The following SLC7A2 variants were observed in gnomAD, a reference collection of about 807,000 sequenced individuals.
The protein encoded by SLC7A2 is solute carrier family 7 member 2.
A neutral mutation model predicts 58.9 loss-of-function variants in SLC7A2; 48 were observed. The ratio of observed to expected loss-of-function variants is 0.82; its 90% CI spans 0.65 to 1.04. The LOEUF (loss-of-function observed/expected upper bound fraction) is 1.04, where lower values mean the gene tolerates loss of function less well. SLC7A2 is among the 50% of genes least tolerant of loss of function. SLC7A2 has a pLI of 0.00. For synonymous variants in SLC7A2, 363 were observed against 314.5 expected, an observed-to-expected ratio of 1.15 and a Z score of -1.63; for missense variants, 1,029 against 818.8, an observed-to-expected ratio of 1.26 and a Z score of -3.13.
intron 2 of SLC7A2, among the ~76,000 whole-genome samples, chr8:17,506,939 T>C (rs1261268028): frequency 7.1e-6 from 1 of 141,684 alleles, no homozygotes; most frequent in Admixed American, 8.0e-5. Flanking sequence ...CACTACTTAT[T>C]TGTGGAATTT....
intron 2 of SLC7A2, chr8:17,538,814 T>G: frequency 1.2e-6 from 2 of 1,613,650 alleles, no homozygotes; most frequent in South Asian, 2.2e-5. Flanking sequence ...ACCACGAAAC[T>G]AGCAACTGGA....
chr8:17,548,704 T>G lies in SLC7A2; in HGVS notation c.559T>G (p.Ser187Ala), dbSNP rs774171827. Residue 187 changes from serine (S) to alanine (A), a missense_variant, in exon 5 of 13, where the codon TCT becomes GCT. Transcript: ENST00000494857. ...AGLLSFGVKE[S>A]AWVNKVFTAV... ...TCTTTTGTCTTTTGGAGTAAAAGAG[T>G]CTGCTTGGGTGAATAAAGTCTTCAC... 6.2e-7 allele frequency: 1 copy of G among 1,609,456 alleles called. No individual in the cohort carries two copies. The highest frequency in any genetic ancestry group is 1.1e-5 in the South Asian group (1 of 89,372).
rs12680645 is a variant in SLC7A2 at position 17,543,397 on chromosome 8, G to C, written c.58G>C (p.Val20Leu). ...FARCLIRRKI[V>L]TLDSLEDTKL... ...CCGATGTCTGATCCGGAGAAAAATCGTGACCCTGGACAGTCTAGAAGACAC... is the reference window on the plus strand; with the variant it reads ...CCGATGTCTGATCCGGAGAAAAATCCTGACCCTGGACAGTCTAGAAGACAC... The change falls in exon 3 of 13, where the codon GTG (valine) becomes CTG (leucine). Residue 20 changes from valine to leucine, a missense_variant. Transcript: ENST00000494857. 6.2e-7 allele frequency: 1 copy of C among 1,613,982 alleles called. No individual in the cohort carries two copies. Among genetic ancestry groups the C allele is most frequent in the African/African-American group, 1.3e-5 (1 of 74,916 alleles).
At chr8:17,495,836 C>T (rs1380443286), upstream of SLC7A2, among the ~76,000 whole-genome samples, 1 of 152,192 alleles carries the variant, frequency 6.6e-6, no homozygotes, top group Non-Finnish European at 1.5e-5. Flanking sequence ...AGGCGTGAGC[C>T]ACCACCCCCA....
Position 17,560,550 on chromosome 8 carries a change from G to A in SLC7A2, c.1504+17G>A, listed in dbSNP as rs373534395. On this transcript the variant is annotated intron_variant, in intron 10 of 12. Transcript: ENST00000494857. ...GATTCCTAGGTAAGTCTTCTTCTCT[G>A]CTTACATTGTACAGACCCAGAAGAT... 4 of 1,596,808 alleles carry A rather than the reference G, an allele frequency of 2.5e-6. No individual in the cohort carries two copies. Among genetic ancestry groups the A allele is most frequent in the Non-Finnish European group, 2.6e-6 (3 of 1,164,614 alleles).
chr8:17,555,125 C>G, intron 8 of SLC7A2: 1 of 1,596,196 alleles, frequency 6.3e-7, no homozygotes, highest in Non-Finnish European at 8.6e-7. Context: ...TAGACTGGAA[C>G]ATTTAATTCG....
rs1803429426 is a variant in SLC7A2 at position 17,569,777 on chromosome 8, A to G, written c.*4631A>G. On this transcript the variant is annotated 3_prime_UTR_variant, in exon 13 of 13. Coordinates refer to ENST00000494857, the MANE Select transcript of SLC7A2 (RefSeq NM_001370338.1). ...GGAGCATTATACTTAACTTTGATTCACCATGGTTGATGCCACTGCCATGAT... is the reference window on the plus strand; with the variant it reads ...GGAGCATTATACTTAACTTTGATTCGCCATGGTTGATGCCACTGCCATGAT... The G allele has an allele frequency of 6.6e-6, 1 of 152,130 alleles. No individual in the cohort carries two copies. Among genetic ancestry groups the G allele is most frequent in the African/African-American group, 2.4e-5 (1 of 41,426 alleles). 9.4% of individuals were successfully genotyped at this position (152,130 alleles called of 1,614,324 possible). A position where few individuals can be genotyped will look rare whatever the true frequency, so the allele number is the denominator to read the frequency against.
chr8:17,501,684 C>T (rs78818629), intron 1 of SLC7A2, among the ~76,000 whole-genome samples: 2 of 151,954 alleles, frequency 1.3e-5, no homozygotes, highest in East Asian at 1.9e-4. Flanking sequence ...TTTAATTTTT[C>T]ACCGTATCCC....
At chr8:17,515,343 T>C (rs1400955332) in intron 2 of SLC7A2, among the ~76,000 whole-genome samples, 2 of 151,734 alleles carry the variant, frequency 1.3e-5, no homozygotes, top group Non-Finnish European at 2.9e-5. Flanking sequence ...GTCTCCAGAC[T>C]GGAGTGCAGT....
intron 2 of SLC7A2, among the ~76,000 whole-genome samples, chr8:17,507,840 G>A (rs973790991): frequency 6.6e-6 from 1 of 152,120 alleles, no homozygotes; most frequent in African/African-American, 2.4e-5. Context: ...AAGTGTTACA[G>A]GAAGAGTGGA....
chr8:17,494,755 G>T (rs1476342685), upstream of SLC7A2, among the ~76,000 whole-genome samples: 1 of 152,186 alleles, frequency 6.6e-6, no homozygotes, highest in African/African-American at 2.4e-5. Flanking sequence ...AGGATTCAGG[G>T]TTAATCAATA....
At chr8:17,506,940 T>G (rs979803004) in intron 2 of SLC7A2, among the ~76,000 whole-genome samples, 5 of 141,494 alleles carry the variant, frequency 3.5e-5, no homozygotes, top group African/African-American at 1.3e-4. Context: ...ACTACTTATT[T>G]GTGGAATTTT....
intron 2 of SLC7A2, among the ~76,000 whole-genome samples, chr8:17,502,678 A>G (rs994557345): frequency 2.6e-5 from 4 of 152,128 alleles, no homozygotes; most frequent in African/African-American, 9.7e-5. Context: ...TGGACAAGAA[A>G]TTGATTCACA....
At chr8:17,556,615 A>C (rs561041838) in intron 8 of SLC7A2, among the ~76,000 whole-genome samples, 1 of 148,076 alleles carries the variant, frequency 6.8e-6, no homozygotes, top group African/African-American at 2.5e-5. Flanking sequence ...GCAATGAAGA[A>C]TTTTTTTTTT....
intron 4 of SLC7A2, among the ~76,000 whole-genome samples, chr8:17,547,796 G>A (rs953871471): frequency 2.8e-5 from 4 of 140,460 alleles, no homozygotes; most frequent in Non-Finnish European, 4.4e-5. Flanking sequence ...GTGTGTGTGT[G>A]TGTGTGTGTG....
In SLC7A2 at chr8:17,570,120, T is replaced by C. The variant is rs2150800515; in HGVS notation, c.*4974T>C. On this transcript the variant is annotated 3_prime_UTR_variant, in exon 13 of 13. Transcript: ENST00000494857. ...ATAGTGGGACCTGGTCTACAATTTA[T>C]GCACATGCACTGACAGCCTTGCTGT... 6.6e-6 allele frequency: 1 copy of C among 152,338 alleles called. No homozygotes were observed. Among genetic ancestry groups the C allele is most frequent in the East Asian group, 1.9e-4 (1 of 5,180 alleles). The allele number at this position is 152,338 out of a possible 1,614,324, so 9.4% of individuals were successfully genotyped here. A position where few individuals can be genotyped will look rare whatever the true frequency, so the allele number is the denominator to read the frequency against.
chr8:17,555,181 TA>T (rs1161021698), intron 8 of SLC7A2: 60 of 1,072,608 alleles, frequency 5.6e-5, no homozygotes, highest in Middle Eastern at 2.1e-4. Context: ...GCATGTAAGT[TA>T]AAAAAAACAA....
intron 2 of SLC7A2, among the ~76,000 whole-genome samples, chr8:17,538,064 T>G (rs1801749451): frequency 6.6e-6 from 1 of 152,244 alleles, no homozygotes; most frequent in Non-Finnish European, 1.5e-5. Flanking sequence ...CTTCCCAGAA[T>G]TCTCTATCAG....
At chr8:17,526,823 C>T (rs1801239621) in intron 2 of SLC7A2, among the ~76,000 whole-genome samples, 1 of 152,056 alleles carries the variant, frequency 6.6e-6, no homozygotes. Context: ...AACTGCATGC[C>T]CTCTTTCTCC....
Sources: allele counts gnomAD v4.1 joint callset (sites outside exome capture counted in the v4.1 genomes callset), GRCh38; gene constraint gnomAD v4.1.1; transcripts MANE v1.5; gene names NCBI Gene and HGNC (gene_info 2026-07-23, HGNC 2026-07-21).